The following GABRA2 variants were observed in gnomAD, a reference collection of about 807,000 sequenced individuals.
GABRA2 encodes the protein gamma-aminobutyric acid receptor subunit alpha-2.
GABRA2 carries 16 observed loss-of-function variants against 48.7 expected under a neutral mutation model. The ratio of observed to expected loss-of-function variants is 0.33; its 90% CI spans 0.22 to 0.50. GABRA2 has a LOEUF of 0.50. Ranked by LOEUF, GABRA2 falls within the 20% of genes least tolerant of loss-of-function variation. The pLI, the probability that GABRA2 is intolerant of heterozygous loss-of-function variation, is 0.98. For synonymous variants in GABRA2, 185 were observed against 184.5 expected, an observed-to-expected ratio of 1.00 and a Z score of -0.02; for missense variants, 275 against 535.6, an observed-to-expected ratio of 0.51 and a Z score of 4.80.
chr4:46,328,750 G>A (rs1026489497), intron 4 of GABRA2, among the ~76,000 whole-genome samples: 1 of 151,984 alleles, frequency 6.6e-6, no homozygotes, highest in Non-Finnish European at 1.5e-5. Flanking sequence ...TCTAGCATTA[G>A]GTATATCATT....
intron 3 of GABRA2, among the ~76,000 whole-genome samples, chr4:46,361,478 G>A (rs1713175753): frequency 6.6e-6 from 1 of 152,188 alleles, no homozygotes; most frequent in Non-Finnish European, 1.5e-5. Context: ...GATTTCAAAG[G>A]ATGTATGGAA....
chr4:46,316,078 A>G (rs1459366379), intron 4 of GABRA2, among the ~76,000 whole-genome samples: 1 of 151,908 alleles, frequency 6.6e-6, no homozygotes, highest in Non-Finnish European at 1.5e-5. Context: ...TCATGGCAAT[A>G]TATCTAGCCC....
chr4:46,276,798 G>A (rs755616963), intron 8 of GABRA2, among the ~76,000 whole-genome samples: 5 of 152,052 alleles, frequency 3.3e-5, no homozygotes, highest in Non-Finnish European at 7.4e-5. Context: ...TTCCTAACTG[G>A]GGATTTTTTT....
chr4:46,313,234 A>T (rs1317073047), intron 4 of GABRA2, among the ~76,000 whole-genome samples: 1 of 151,482 alleles, frequency 6.6e-6, no homozygotes, highest in Non-Finnish European at 1.5e-5. Context: ...AAAGAAAAAA[A>T]CACAACACTT....
chr4:46,264,280 C>A (rs1717656839), intron 8 of GABRA2, among the ~76,000 whole-genome samples: 1 of 151,968 alleles, frequency 6.6e-6, no homozygotes, highest in Non-Finnish European at 1.5e-5. Context: ...GAGAGTTTTA[C>A]TTCTTCCTTT....
intron 9 of GABRA2, chr4:46,256,462 TA>T (rs897767538): frequency 2.6e-3 from 942 of 363,534 alleles, no homozygotes; most frequent in Middle Eastern, 4.9e-3. Context: ...TTCCCCTAAT[TA>T]AAAAAAAAAT....
intron 8 of GABRA2, among the ~76,000 whole-genome samples, chr4:46,291,922 C>T (rs960470448): frequency 6.6e-6 from 1 of 151,784 alleles, no homozygotes; most frequent in African/African-American, 2.4e-5. Flanking sequence ...GCAGTTCTTT[C>T]ATTGGTTTTC....
intron 8 of GABRA2, among the ~76,000 whole-genome samples, chr4:46,283,123 C>A (rs1013789095): frequency 6.6e-6 from 1 of 152,088 alleles, no homozygotes; most frequent in Non-Finnish European, 1.5e-5. Flanking sequence ...GATAGTCAAC[C>A]CGTGAGAGTA....
chr4:46,247,561 C>G lies in GABRA2; in HGVS notation c.*2747G>C. ...ATGAGATTATATCTCTATATATGTA[C>G]ATGTATTTATCTACATTTTGTACAT... On this transcript the variant is annotated 3_prime_UTR_variant, in exon 10 of 10. Coordinates refer to ENST00000381620, the MANE Select transcript of GABRA2 (RefSeq NM_000807.4). Among the ~76,000 whole-genome samples the G allele has an allele frequency of 6.6e-6, 1 of 151,058 alleles. No individual in the cohort carries two copies. Among genetic ancestry groups the G allele is most frequent in the Non-Finnish European group, 1.5e-5 (1 of 67,404 alleles).
chr4:46,340,688 C>T (rs1733068848), intron 3 of GABRA2, among the ~76,000 whole-genome samples: 1 of 151,894 alleles, frequency 6.6e-6, no homozygotes, highest in Non-Finnish European at 1.5e-5. Flanking sequence ...TTACATGTTG[C>T]TGAATTTAAT....
intron 2 of GABRA2, 68 bp from the exon 3 acceptor site, chr4:46,386,257 C>G: frequency 1.1e-6 from 1 of 925,134 alleles, no homozygotes; most frequent in Non-Finnish European, 1.7e-6. Context: ...ACATGCTTTT[C>G]TTCCTTAATT....
intron 4 of GABRA2, among the ~76,000 whole-genome samples, chr4:46,326,967 C>T (rs1021302891): frequency 2.0e-5 from 3 of 152,104 alleles, no homozygotes; most frequent in Non-Finnish European, 4.4e-5. Flanking sequence ...TTCTTCCACC[C>T]TTATATCCAA....
chr4:46,307,440 G>GTT (rs34790075), intron 6 of GABRA2, among the ~76,000 whole-genome samples: 10 of 144,598 alleles, frequency 6.9e-5, no homozygotes, highest in Admixed American at 6.9e-5. Flanking sequence ...AAATTATGAA[G>GTT]TTTTTTTTTT....
chr4:46,285,848 G>T (rs1722455623), intron 8 of GABRA2, among the ~76,000 whole-genome samples: 1 of 151,838 alleles, frequency 6.6e-6, no homozygotes, highest in South Asian at 2.1e-4. Context: ...GCAATAACTT[G>T]CAAAGTTTTC....
chr4:46,304,206 C>CT (rs1441870734), intron 7 of GABRA2, among the ~76,000 whole-genome samples: 3 of 152,150 alleles, frequency 2.0e-5, no homozygotes, highest in Non-Finnish European at 2.9e-5. Context: ...AACCTCGTCT[C>CT]TGTTTTTGAT....
chr4:46,256,865 T>C (rs1251695830), intron 9 of GABRA2, among the ~76,000 whole-genome samples: 1 of 151,686 alleles, frequency 6.6e-6, no homozygotes, highest in Non-Finnish European at 1.5e-5. Flanking sequence ...CATAAAACAA[T>C]AGCACATTCC....
intron 8 of GABRA2, among the ~76,000 whole-genome samples, chr4:46,280,252 G>A (rs535303891): frequency 1.3e-5 from 2 of 152,212 alleles, no homozygotes; most frequent in South Asian, 4.2e-4. Flanking sequence ...TTGGAAAATA[G>A]GTCTCTTTGA....
rs1323177605 is a variant in GABRA2, at chr4:46,248,523, G to A, written c.*1785C>T. ...TGAGGGAATTTTTAATGTCAAGGCT[G>A]TCTTCTTGGCAAATTCCGTTAATAA... On this transcript the variant is annotated 3_prime_UTR_variant, in exon 10 of 10. Transcript: ENST00000381620. 1.3e-5 allele frequency: 2 copies of A among 151,332 alleles called. No homozygotes were observed. The highest frequency in any genetic ancestry group is 1.5e-5 in the Non-Finnish European group (1 of 67,580). The allele number at this position is 151,332 out of a possible 1,614,324, so 9.4% of individuals were successfully genotyped here.
At chr4:46,263,120 T>G in intron 8 of GABRA2, among the ~76,000 whole-genome samples, 1 of 152,160 alleles carries the variant, frequency 6.6e-6, no homozygotes, top group Non-Finnish European at 1.5e-5. Flanking sequence ...TATGTGTATA[T>G]ACATACAATA....
Sources: allele counts gnomAD v4.1 joint callset (sites outside exome capture counted in the v4.1 genomes callset), GRCh38; gene constraint gnomAD v4.1.1; transcripts MANE v1.5; gene names NCBI Gene and HGNC (gene_info 2026-07-23, HGNC 2026-07-21).